The following STPG2 variants were observed in gnomAD, a reference collection of about 807,000 sequenced individuals.
STPG2 encodes sperm tail PG-rich repeat containing 2.
STPG2 carries 56 observed loss-of-function variants against 54.2 expected under a neutral mutation model. The observed-to-expected ratio is 1.03, with a 90% CI of 0.83 to 1.29. The LOEUF is 1.29. Among genes scored for constraint, STPG2 ranks in the 50% most tolerant of loss-of-function variants. The probability of loss-of-function intolerance (pLI) is 0.00; values close to 1 mark genes in which losing one functional copy is unlikely to be tolerated. For missense variants in STPG2, 596 were observed against 544.9 expected (o/e 1.09, Z -0.93); for synonymous variants, 200 against 181.8 (o/e 1.10, Z -0.81).
At chr4:97,486,102 A>G (rs1361228994) in intron 4 of STPG2, among the ~76,000 whole-genome samples, 1 of 151,140 alleles carries the variant, frequency 6.6e-6, no homozygotes, top group Non-Finnish European at 1.5e-5. Flanking sequence ...AAGATAATAG[A>G]CATTGGCTTA....
At chr4:97,737,467 A>C (rs1578520160) in intron 9 of STPG2, among the ~76,000 whole-genome samples, 1 of 152,292 alleles carries the variant, frequency 6.6e-6, no homozygotes, top group East Asian at 1.9e-4. Context: ...CTTTGAAAAA[A>C]ATTTAGACGA....
intron 5 of STPG2, among the ~76,000 whole-genome samples, chr4:98,098,016 G>A (rs921381078): frequency 1.3e-5 from 2 of 152,094 alleles, no homozygotes. Context: ...TCGATTGGAA[G>A]AATCAATACT....
intron 5 of STPG2, among the ~76,000 whole-genome samples, chr4:97,981,520 T>G (rs1455981648): frequency 6.6e-6 from 1 of 152,104 alleles, no homozygotes; most frequent in Non-Finnish European, 1.5e-5. Flanking sequence ...TGTATACTAA[T>G]ATAGTAATGT....
intron 4 of STPG2, among the ~76,000 whole-genome samples, chr4:97,517,028 C>T (rs1418415887): frequency 6.6e-6 from 1 of 151,860 alleles, no homozygotes; most frequent in Non-Finnish European, 1.5e-5. Context: ...CTGCCTCAGC[C>T]TCCTGAGTAG....
intron 5 of STPG2, among the ~76,000 whole-genome samples, chr4:98,000,491 A>G (rs1468679080): frequency 1.3e-5 from 2 of 152,174 alleles, no homozygotes; most frequent in African/African-American, 4.8e-5. Flanking sequence ...GATTGAATAC[A>G]GAAATATATA....
intron 9 of STPG2, among the ~76,000 whole-genome samples, chr4:97,821,317 C>T (rs1039801868): frequency 6.6e-6 from 1 of 152,188 alleles, no homozygotes; most frequent in Non-Finnish European, 1.5e-5. Flanking sequence ...GGGCAAACTG[C>T]AGTAAGGAGT....
intron 4 of STPG2, among the ~76,000 whole-genome samples, chr4:97,448,946 ATAT>A (rs1204459674): frequency 6.6e-6 from 1 of 152,174 alleles, no homozygotes; most frequent in Non-Finnish European, 1.5e-5. Context: ...AAACTTTGAA[ATAT>A]TATTTTACAT....
chr4:98,039,632 T>C (rs1292204105), intron 5 of STPG2, among the ~76,000 whole-genome samples: 3 of 151,384 alleles, frequency 2.0e-5, no homozygotes, highest in Non-Finnish European at 4.4e-5. Flanking sequence ...TTGTGCAGTA[T>C]ATTCATGTAA....
intron 8 of STPG2, among the ~76,000 whole-genome samples, chr4:97,874,792 G>A (rs1003328947): frequency 6.6e-6 from 1 of 151,448 alleles, no homozygotes; most frequent in Admixed American, 6.6e-5. Flanking sequence ...CCTTTAAAAG[G>A]TAATTATGTC....
At chr4:97,940,265 T>G (rs1215053) in intron 8 of STPG2, among the ~76,000 whole-genome samples, 6 of 152,076 alleles carry the variant, frequency 3.9e-5, no homozygotes, top group East Asian at 3.9e-4. Flanking sequence ...AAATCTGAGG[T>G]TTCTGTGTCT....
At chr4:97,946,216 T>C (rs1272429990) in intron 7 of STPG2, among the ~76,000 whole-genome samples, 1 of 152,194 alleles carries the variant, frequency 6.6e-6, no homozygotes, top group African/African-American at 2.4e-5. Context: ...TATCTATTCA[T>C]GTCAGTTGCC....
At chr4:98,074,893 G>A (rs970672294) in intron 5 of STPG2, among the ~76,000 whole-genome samples, 1 of 152,002 alleles carries the variant, frequency 6.6e-6, no homozygotes, top group African/African-American at 2.4e-5. Context: ...ATCAACTAGG[G>A]GTTCTGGTGT....
intron 9 of STPG2, among the ~76,000 whole-genome samples, chr4:97,832,948 T>C (rs1170606090): frequency 6.6e-6 from 1 of 152,174 alleles, no homozygotes; most frequent in African/African-American, 2.4e-5. Flanking sequence ...AAGTAATTTA[T>C]AGATTCCATG....
chr4:97,545,099 A>G (rs1388347035), intron 4 of STPG2, among the ~76,000 whole-genome samples: 1 of 152,094 alleles, frequency 6.6e-6, no homozygotes, highest in Non-Finnish European at 1.5e-5. Flanking sequence ...AAAAACACCC[A>G]AGTGATGCTG....
intron 8 of STPG2, among the ~76,000 whole-genome samples, chr4:97,865,264 C>T (rs1363999719): frequency 1.3e-5 from 2 of 152,052 alleles, no homozygotes; most frequent in African/African-American, 2.4e-5. Context: ...CAAACAACCC[C>T]ATCAAAAAGT....
intron 10 of STPG2, among the ~76,000 whole-genome samples, chr4:97,608,380 A>T (rs1471922132): frequency 6.6e-6 from 1 of 152,044 alleles, no homozygotes; most frequent in Admixed American, 6.6e-5. Flanking sequence ...CAGAGGAATG[A>T]ACAGTGGCAC....
At chr4:97,777,070 G>A (rs1341493121) in intron 9 of STPG2, among the ~76,000 whole-genome samples, 1 of 152,116 alleles carries the variant, frequency 6.6e-6, no homozygotes, top group Non-Finnish European at 1.5e-5. Flanking sequence ...AAATATATTA[G>A]GTTGTGATGA....
At chr4:97,956,904 A>C (rs1217509791) in intron 7 of STPG2, among the ~76,000 whole-genome samples, 1 of 152,126 alleles carries the variant, frequency 6.6e-6, no homozygotes, top group Non-Finnish European at 1.5e-5. Flanking sequence ...TCTGGTAATA[A>C]GACAAAATAA....
At chr4:97,795,169 ATG>A (rs1310955940) in intron 9 of STPG2, among the ~76,000 whole-genome samples, 3 of 151,490 alleles carry the variant, frequency 2.0e-5, no homozygotes, top group African/African-American at 7.3e-5. Context: ...TCCAAAACAC[ATG>A]TGTTTCTACT....
Sources: allele counts gnomAD v4.1 joint callset (sites outside exome capture counted in the v4.1 genomes callset), GRCh38; gene constraint gnomAD v4.1.1; transcripts MANE v1.5; gene names NCBI Gene and HGNC (gene_info 2026-07-23, HGNC 2026-07-21).